The following BLTP2 variants were observed in gnomAD, a reference collection of about 807,000 sequenced individuals.
BLTP2 encodes U937-associated antigen.
chr17:28,631,344 C>G, the BLTP2 span: 2 of 792,406 alleles, frequency 2.5e-6, no homozygotes, highest in South Asian at 3.3e-5. Context: ...CTTGGACTTC[C>G]CAGTAGCCAA....
chr17:28,620,550 T>C, the BLTP2 span: 91 of 1,614,096 alleles, frequency 5.6e-5, 2 homozygotes, highest in South Asian at 8.0e-4. Context: ...TTGTTGACAA[T>C]GTCCAGGATC....
At chr17:28,639,244 T>C in the BLTP2 span, 12 of 1,500,240 alleles carry the variant, frequency 8.0e-6, no homozygotes, top group Middle Eastern at 1.7e-4. Context: ...TAACACAGGA[T>C]GCCAATTTGG....
chr17:28,616,388 T>C, the BLTP2 span: 8 of 1,614,182 alleles, frequency 5.0e-6, no homozygotes, highest in South Asian at 8.8e-5. The surrounding 1 kb of genome is among the most constrained non-coding windows in gnomAD (Gnocchi z 4.8). Context: ...CCTCTGGCGA[T>C]TTGCGAAATG....
the BLTP2 span, chr17:28,623,821 TG>T: frequency 6.2e-7 from 1 of 1,614,214 alleles, no homozygotes. Context: ...GGCAAAGTAC[TG>T]CATGCCATCC....
At chr17:28,619,096 C>A in the BLTP2 span, 1 of 691,188 alleles carries the variant, frequency 1.4e-6, no homozygotes, top group Non-Finnish European at 2.4e-6. Flanking sequence ...GTTAGCCAGT[C>A]CCTACATTTT....
the BLTP2 span, among the ~76,000 whole-genome samples, chr17:28,622,052 G>A: frequency 6.6e-6 from 1 of 152,148 alleles, no homozygotes; most frequent in Non-Finnish European, 1.5e-5. Context: ...TTGTACCTAA[G>A]CCCAAGATGT....
At chr17:28,616,428 C>A in the BLTP2 span, 1 of 1,614,190 alleles carries the variant, frequency 6.2e-7, no homozygotes, top group Non-Finnish European at 8.5e-7. The surrounding 1 kb of genome is among the most constrained non-coding windows in gnomAD (Gnocchi z 4.8). Context: ...CCGAGTCAAA[C>A]CCTGTGCCAC....
chr17:28,643,182 T>C, the BLTP2 span: 1 of 1,614,166 alleles, frequency 6.2e-7, no homozygotes, highest in Non-Finnish European at 8.5e-7. Flanking sequence ...AGATCTTCAA[T>C]AAGGATGGGC....
chr17:28,634,465 C>T, the BLTP2 span: 1 of 1,554,104 alleles, frequency 6.4e-7, no homozygotes, highest in Non-Finnish European at 8.7e-7. Context: ...GAGAGCTCCC[C>T]AGAGCTCAGC....
At chr17:28,638,908 A>C in the BLTP2 span, among the ~76,000 whole-genome samples, 1 of 152,246 alleles carries the variant, frequency 6.6e-6, no homozygotes, top group African/African-American at 2.4e-5. Flanking sequence ...CACCAGCAAT[A>C]CTATACGCTT....
At chr17:28,620,060 A>G in the BLTP2 span, 1 of 1,548,352 alleles carries the variant, frequency 6.5e-7, no homozygotes, top group South Asian at 1.2e-5. Context: ...TAAGTAGACA[A>G]GTCTTGTAGT....
the BLTP2 span, chr17:28,616,047 T>C: frequency 7.0e-7 from 1 of 1,435,368 alleles, no homozygotes; most frequent in Non-Finnish European, 9.8e-7. The surrounding 1 kb of genome is among the most constrained non-coding windows in gnomAD (Gnocchi z 4.8). Context: ...TCTGATCTTA[T>C]CTGGTTCCCT....
At chr17:28,639,334 G>T in the BLTP2 span, 1 of 1,614,150 alleles carries the variant, frequency 6.2e-7, no homozygotes, top group Non-Finnish European at 8.5e-7. Flanking sequence ...CTTTGCTTTA[G>T]AACAGGTGAA....
the BLTP2 span, chr17:28,631,481 C>T: frequency 1.9e-6 from 3 of 1,613,868 alleles, no homozygotes; most frequent in Non-Finnish European, 2.5e-6. Flanking sequence ...GGGAGTACCT[C>T]CTCAGCTGTG....
the BLTP2 span, chr17:28,617,045 G>A: frequency 7.0e-7 from 1 of 1,432,884 alleles, no homozygotes; most frequent in South Asian, 1.2e-5. Flanking sequence ...TGTCCTTCCT[G>A]CCATAAAGCA....
the BLTP2 span, among the ~76,000 whole-genome samples, chr17:28,636,170 T>C: frequency 6.6e-6 from 1 of 152,216 alleles, no homozygotes; most frequent in African/African-American, 2.4e-5. Flanking sequence ...AATAGCTAAG[T>C]GGACAGAGAA....
At chr17:28,624,145 T>C in the BLTP2 span, 1 of 1,484,812 alleles carries the variant, frequency 6.7e-7, no homozygotes, top group Admixed American at 1.9e-5. Flanking sequence ...GGAGCTCTAT[T>C]CACCCATTCA....
the BLTP2 span, among the ~76,000 whole-genome samples, chr17:28,641,302 C>T: frequency 6.6e-6 from 1 of 152,164 alleles, no homozygotes; most frequent in Non-Finnish European, 1.5e-5. Flanking sequence ...TAAGTGGATC[C>T]GCACAGCTCA....
chr17:28,639,219 A>C, the BLTP2 span: 3 of 1,296,926 alleles, frequency 2.3e-6, no homozygotes, highest in Non-Finnish European at 3.3e-6. Context: ...GAGGTCAAAC[A>C]ACCAAATACA....
Sources: allele counts gnomAD v4.1 joint callset (sites outside exome capture counted in the v4.1 genomes callset), GRCh38; gene constraint gnomAD v4.1.1; non-coding constraint Gnocchi (gnomAD v3.1); transcripts MANE v1.5; gene names NCBI Gene and HGNC (gene_info 2026-07-23, HGNC 2026-07-21).